Variants in CHID1 observed in about 807,000 individuals in gnomAD.
The protein encoded by CHID1 is chitinase domain containing 1, also known as chitinase domain-containing protein 1.
Under a neutral mutation model 55.4 loss-of-function variants are expected in CHID1, and 44 were observed. That is an observed-to-expected ratio of 0.79 (90% CI 0.62 to 1.02). The LOEUF (loss-of-function observed/expected upper bound fraction) is 1.02, where lower values mean the gene tolerates loss of function less well. Among genes scored for constraint, CHID1 ranks in the 50% least tolerant of loss-of-function variants. CHID1 has a pLI of 0.00. For missense variants in CHID1, 491 were observed against 515.3 expected (o/e 0.95, Z 0.46); for synonymous variants, 216 against 212.9 (o/e 1.01, Z -0.13).
At chr11:878,304 C>T (rs1412875889) in intron 10 of CHID1, among the ~76,000 whole-genome samples, 1 of 152,212 alleles carries the variant, frequency 6.6e-6, no homozygotes. Context: ...GTTCCAGCTA[C>T]TCGGGAGGCT....
intron 1 of CHID1, among the ~76,000 whole-genome samples, chr11:909,097 G>A (rs369295965): frequency 7.6e-4 from 115 of 152,212 alleles, no homozygotes; most frequent in African/African-American, 2.7e-3. Flanking sequence ...AACTGCCCCA[G>A]GGAGATGGTG....
rs1473999012 is a variant in CHID1 at position 869,113 on chromosome 11, C to G, written c.*745G>C. 2 of 152,554 alleles carry G rather than the reference C, an allele frequency of 1.3e-5. No homozygotes were observed. The highest frequency in any genetic ancestry group is 2.4e-5 in the African/African-American group (1 of 41,468). The allele number at this position is 152,554 out of a possible 1,614,324, so 9.5% of individuals were successfully genotyped here. On this transcript the variant is annotated 3_prime_UTR_variant, in exon 13 of 13. Transcript: ENST00000323578. Reference sequence around the variant, plus strand: ...TGCCAGCCACATGTCCTCTGCCCCACCCCTCGCTGGAAATGCCTGTCCCGA... The same window carrying G: ...TGCCAGCCACATGTCCTCTGCCCCAGCCCTCGCTGGAAATGCCTGTCCCGA...
chr11:874,479 G>A (rs1007786203), intron 10 of CHID1, among the ~76,000 whole-genome samples: 3 of 152,132 alleles, frequency 2.0e-5, no homozygotes, highest in Non-Finnish European at 4.4e-5. Context: ...CAAAAAGATA[G>A]GGTCTTGTTC....
In CHID1 at chr11:875,758, C is replaced by T. The variant is rs967385828; in HGVS notation, c.960-5259G>A. Among the ~76,000 whole-genome samples, 2 of 152,238 alleles carry T rather than the reference C, an allele frequency of 1.3e-5. No individual in the cohort carries two copies. The highest frequency in any genetic ancestry group is 4.8e-5 in the African/African-American group (2 of 41,536). ...AGGAAAACGCCTAGGTCCACCGAGT[C>T]GTGGCAGCAAAAGACGCCACGGCAG... On this transcript the variant is annotated intron_variant, in intron 10 of 12. Transcript: ENST00000323578. The surrounding 1 kb of genome is among the most constrained non-coding windows in gnomAD (Gnocchi z 4.7).
In CHID1 at chr11:893,925, C is replaced by T. The variant is rs548620500; in HGVS notation, c.609-406G>A. On this transcript the variant is annotated intron_variant, in intron 7 of 12. Coordinates refer to ENST00000323578, the MANE Select transcript of CHID1 (RefSeq NM_023947.4). The stretch of plus-strand genomic sequence containing the variant: ...GGTGGGCAGTCACCCGAGGCCAGAT[C>T]GGCTTGGCCAACATGGCGAAACCCC... Among the ~76,000 whole-genome samples, 263 of 151,740 alleles carry T rather than the reference C, an allele frequency of 1.7e-3. 3 individuals are homozygous for T. The highest frequency in any genetic ancestry group is 5.4e-3 in the Admixed American group (82 of 15,246).
intron 1 of CHID1, chr11:908,411 C>T (rs1199172258): frequency 5.3e-6 from 1 of 187,064 alleles, no homozygotes; most frequent in Non-Finnish European, 1.0e-5. Flanking sequence ...GGGCAGCAGC[C>T]TGCTGCCACC....
At chr11:870,051 C>G in intron 12 of CHID1, 70 bp downstream of exon 12, 1 of 1,609,444 alleles carries the variant, frequency 6.2e-7, no homozygotes, top group Non-Finnish European at 8.5e-7. Flanking sequence ...GCCTGGACCC[C>G]AGGCCAGTGC....
rs1420416876 is a variant in CHID1, at chr11:868,252, C to G, written c.*1606G>C. ...CCTCTGGGGAGACAAGGTCAGTGCC[C>G]CAAAGCCAGTGGCAGCTTGTGTTTT... On this transcript the variant is annotated 3_prime_UTR_variant, in exon 13 of 13. Coordinates refer to ENST00000323578, the MANE Select transcript of CHID1 (RefSeq NM_023947.4). 6.6e-6 allele frequency: 1 copy of G among 151,968 alleles called. No homozygotes were observed. Among genetic ancestry groups the G allele is most frequent in the East Asian group, 1.9e-4 (1 of 5,172 alleles). The allele number at this position is 151,968 out of a possible 1,614,324, so 9.4% of individuals were successfully genotyped here.
intron 10 of CHID1, among the ~76,000 whole-genome samples, chr11:879,166 A>G (rs1003999824): frequency 4.6e-5 from 7 of 152,084 alleles, no homozygotes; most frequent in Non-Finnish European, 8.8e-5. Flanking sequence ...AATTTTTTGT[A>G]TTTTTAGTAG....
intron 10 of CHID1, among the ~76,000 whole-genome samples, chr11:878,715 A>T (rs928225993): frequency 6.6e-6 from 1 of 151,392 alleles, no homozygotes; most frequent in African/African-American, 2.4e-5. Context: ...TTTTTTTTTT[A>T]ATTTGAGACA....
Position 900,079 on chromosome 11 carries a change from G to GT in CHID1, c.470dup (p.Tyr157Ter), listed in dbSNP as rs150709236. The GT allele has an allele frequency of 2.7e-4, 438 of 1,613,964 alleles. No homozygotes were observed. Among genetic ancestry groups the GT allele is most frequent in the Non-Finnish European group, 3.5e-4 (412 of 1,179,976 alleles). The part of the protein sequence containing the change: ...VPRLLFEDWT[Y>*]DDFRNVLDSE... Reference sequence around the variant, plus strand: ...TGTCTAAGACGTTCCGGAAATCATCGTAAGTCCAGTCCTCAAACAGGAGCC... The same window carrying GT: ...TGTCTAAGACGTTCCGGAAATCATCGTTAAGTCCAGTCCTCAAACAGGAGCC... Residue 157 changes from tyrosine (Y) to a stop codon, truncating the protein, a stop_gained and frameshift_variant, in exon 6 of 13, where the codon TAC (tyrosine) becomes TAAC (stop). Coordinates refer to ENST00000323578, the MANE Select transcript of CHID1 (RefSeq NM_023947.4). LOFTEE classifies it high-confidence loss of function.
intron 1 of CHID1, among the ~76,000 whole-genome samples, chr11:907,135 A>G (rs1852287131): frequency 6.6e-6 from 1 of 152,142 alleles, no homozygotes; most frequent in Admixed American, 6.5e-5. Flanking sequence ...TTCCTGCACT[A>G]AACTTTTATT....
chr11:874,566 C>T (rs970272625), intron 10 of CHID1, among the ~76,000 whole-genome samples: 2 of 152,180 alleles, frequency 1.3e-5, no homozygotes, highest in South Asian at 2.1e-4. Context: ...GCGATCCTCC[C>T]GCCTCAGCCT....
chr11:894,025 G>T (rs1304802758), intron 7 of CHID1, among the ~76,000 whole-genome samples: 1 of 149,770 alleles, frequency 6.7e-6, no homozygotes, highest in Non-Finnish European at 1.5e-5. Context: ...AGGAGGCTGA[G>T]GCAGGAGAAT....
rs1185707182 is a variant in CHID1 at position 870,114 on chromosome 11, C to T, written c.1083+7G>A. 2 of 1,612,938 alleles carry T rather than the reference C, an allele frequency of 1.2e-6. No homozygotes were observed. The highest frequency in any genetic ancestry group is 1.7e-5 in the Admixed American group (1 of 60,024). On this transcript the variant is annotated splice_region_variant and intron_variant, in intron 12 of 12. Coordinates refer to ENST00000323578, the MANE Select transcript of CHID1 (RefSeq NM_023947.4). ...TCCCCCGGTCCCACGGCTGGCAGCA[C>T]ACGCACCTTCAGGGTTGGGTAGAAG...
chr11:870,197 C>G, intron 11 of CHID1, 34 bp from the exon 12 acceptor site: 1 of 1,613,062 alleles, frequency 6.2e-7, no homozygotes, highest in Non-Finnish European at 8.5e-7. Flanking sequence ...CCCATCCGCT[C>G]TGCTGGTTCC....
intron 10 of CHID1, among the ~76,000 whole-genome samples, chr11:880,158 G>A (rs1849801897): frequency 6.6e-6 from 1 of 152,250 alleles, no homozygotes; most frequent in African/African-American, 2.4e-5. Flanking sequence ...ACGAGCCAGG[G>A]GCCCTGGGGC....
upstream of CHID1, chr11:910,984 C>A (rs1331579841): frequency 1.3e-4 from 24 of 190,156 alleles, no homozygotes; most frequent in Non-Finnish European, 1.3e-4. Flanking sequence ...GCGCCGGGGG[C>A]GGACCCCGGG....
intron 7 of CHID1, among the ~76,000 whole-genome samples, chr11:895,524 T>G (rs1851203663): frequency 6.6e-6 from 1 of 152,176 alleles, no homozygotes; most frequent in Non-Finnish European, 1.5e-5. Context: ...TACTGCCAGC[T>G]GCTGGCACTG....
Sources: allele counts gnomAD v4.1 joint callset (sites outside exome capture counted in the v4.1 genomes callset), GRCh38; gene constraint gnomAD v4.1.1; non-coding constraint Gnocchi (gnomAD v3.1); transcripts MANE v1.5; gene names NCBI Gene and HGNC (gene_info 2026-07-23, HGNC 2026-07-21).